ACTR10: variants seen among roughly 807,000 people sequenced by gnomAD.
ACTR10 encodes actin-related protein 10.
In ACTR10, 43 loss-of-function variants were observed where a neutral mutation model predicts 56.2. The observed-to-expected ratio is 0.77, with a 90% CI of 0.60 to 0.99. ACTR10 has a LOEUF of 0.99. Among genes scored for constraint, ACTR10 ranks in the 50% least tolerant of loss-of-function variants. ACTR10 has a pLI of 0.00. For missense variants in ACTR10, 466 were observed against 507.8 expected (o/e 0.92, Z 0.79); for synonymous variants, 170 against 176.3 (o/e 0.96, Z 0.28).
At chr14:58,211,939 C>CAAA (rs35891910) in intron 5 of ACTR10, among the ~76,000 whole-genome samples, 1 of 127,296 alleles carries the variant, frequency 7.9e-6, no homozygotes. Context: ...GACTCTGTCT[C>CAAA]AAAAAAAAAA....
chr14:58,233,238 C>T (rs1481017649), intron 12 of ACTR10, among the ~76,000 whole-genome samples: 1 of 152,016 alleles, frequency 6.6e-6, no homozygotes, highest in East Asian at 1.9e-4. Flanking sequence ...GAAAATTGGC[C>T]TCTTTAATTT....
intron 8 of ACTR10, among the ~76,000 whole-genome samples, chr14:58,220,178 A>G (rs947092974): frequency 6.6e-6 from 1 of 152,212 alleles, no homozygotes; most frequent in African/African-American, 2.4e-5. Context: ...GTGAATTTCT[A>G]TGATAAAGTT....
intron 4 of ACTR10, 162 bp downstream of exon 4, chr14:58,209,269 G>A (rs1888940149): frequency 4.5e-6 from 2 of 449,326 alleles, no homozygotes; most frequent in East Asian, 3.8e-5. Context: ...TATTGTGTAT[G>A]GCACACAGTG....
intron 10 of ACTR10, among the ~76,000 whole-genome samples, chr14:58,227,579 A>C (rs1889433618): frequency 6.6e-6 from 1 of 152,212 alleles, no homozygotes; most frequent in Non-Finnish European, 1.5e-5. Context: ...AAAGATTGGG[A>C]AAAAGAAGAG....
intron 3 of ACTR10, among the ~76,000 whole-genome samples, chr14:58,208,487 T>C (rs1888918815): frequency 6.6e-6 from 1 of 152,178 alleles, no homozygotes; most frequent in Non-Finnish European, 1.5e-5. Context: ...TATAAGGTTC[T>C]TGTACTTTGC....
intron 4 of ACTR10, 143 bp downstream of exon 4, chr14:58,209,250 T>G: frequency 1.8e-6 from 1 of 549,958 alleles, no homozygotes; most frequent in Non-Finnish European, 3.2e-6. Context: ...AAGCCCTTAT[T>G]TTGTCTCATA....
intron 8 of ACTR10, among the ~76,000 whole-genome samples, chr14:58,221,631 A>G (rs1187841850): frequency 6.6e-6 from 1 of 152,126 alleles, no homozygotes; most frequent in Non-Finnish European, 1.5e-5. Context: ...AATATGCAGC[A>G]TACACATATT....
At chr14:58,219,434 G>A (rs1566627257) in intron 7 of ACTR10, 1 of 304,990 alleles carries the variant, frequency 3.3e-6, no homozygotes, top group East Asian at 6.6e-5. Context: ...GCACATTACT[G>A]ACAACTATTT....
intron 10 of ACTR10, among the ~76,000 whole-genome samples, chr14:58,224,863 C>G (rs1018636869): frequency 1.3e-5 from 2 of 151,994 alleles, no homozygotes; most frequent in Non-Finnish European, 2.9e-5. Context: ...GTAGCACATG[C>G]CCGTAATCCC....
intron 7 of ACTR10, among the ~76,000 whole-genome samples, chr14:58,215,714 G>A (rs1489006590): frequency 2.6e-5 from 4 of 151,968 alleles, no homozygotes; most frequent in Non-Finnish European, 5.9e-5. Flanking sequence ...TCTGCATGCT[G>A]TTGATTCTGA....
intron 8 of ACTR10, among the ~76,000 whole-genome samples, chr14:58,222,766 A>G (rs1476705194): frequency 8.3e-3 from 16 of 1,930 alleles, no homozygotes; most frequent in African/African-American, 0.024. Flanking sequence ...CTCTGTCAGA[A>G]AAAAAAAAAA....
At chr14:58,225,842 A>G (rs1322126464) in intron 10 of ACTR10, among the ~76,000 whole-genome samples, 1 of 151,914 alleles carries the variant, frequency 6.6e-6, no homozygotes, top group African/African-American at 2.4e-5. Context: ...CCTCCCAAGT[A>G]GCTAGGATTA....
chr14:58,200,320 T>C (rs1888674689), intron 1 of ACTR10, 26 bp downstream of exon 1: 1 of 1,483,108 alleles, frequency 6.7e-7, no homozygotes. Context: ...GCCAGCTGTG[T>C]TCGACCCGAG....
chr14:58,228,345 C>T (rs889731618), intron 10 of ACTR10, among the ~76,000 whole-genome samples: 2 of 152,104 alleles, frequency 1.3e-5, no homozygotes, highest in Non-Finnish European at 2.9e-5. Context: ...AGGCCGGGTG[C>T]GGTGGCTCTT....
At position 58,201,251 on chromosome 14, in the gene ACTR10, A is replaced by G. The variant is rs542887641; in HGVS notation, c.77+957A>G. On this transcript the variant is annotated intron_variant, in intron 1 of 12. Coordinates refer to ENST00000254286, the MANE Select transcript of ACTR10 (RefSeq NM_018477.3). ...TTAAACATAGTCCTTGGTTAATGAC[A>G]TTCTCTTATTGTTCTATGCGAGGCC... 4.4e-4 allele frequency among the ~76,000 whole-genome samples: 67 copies of G among 152,342 alleles called. No individual in the cohort carries two copies. The South Asian group carries it at 0.014, about 32-fold the overall frequency.
intron 1 of ACTR10, 117 bp downstream of exon 1, chr14:58,200,411 C>A: frequency 2.8e-6 from 2 of 719,736 alleles, no homozygotes; most frequent in African/African-American, 1.8e-5. Flanking sequence ...CTCCCCTTTT[C>A]TTCAACCAGC....
chr14:58,202,945 T>C lies in ACTR10; in HGVS notation c.150+18T>C. ...TGCCTAAGGTATTTAAAAAAAAATA[T>C]TAGCAAAATAAATGCCATACTATAA... On this transcript the variant is annotated intron_variant, in intron 2 of 12. Transcript: ENST00000254286. The C allele has an allele frequency of 2.1e-6, 3 of 1,431,996 alleles. No homozygotes were observed. Among genetic ancestry groups the C allele is most frequent in the Non-Finnish European group, 2.9e-6 (3 of 1,026,038 alleles). 88.7% of individuals were successfully genotyped at this position (1,431,996 alleles called of 1,614,324 possible).
In ACTR10 at chr14:58,232,229, C is replaced by T. The variant is rs1240347616; in HGVS notation, c.1034C>T (p.Thr345Ile). Residue 345 changes from threonine to isoleucine, a missense_variant, in exon 12 of 13, where the codon ACT (threonine) becomes ATT (isoleucine). Transcript: ENST00000254286. ...ALGTKTFRIH[T>I]PPAKANCVAW... Reference sequence around the variant, plus strand: ...GGCACTAAGACATTTCGAATTCATACTCCACCTGCAAAAGCTAATTGTGTG... The same window carrying T: ...GGCACTAAGACATTTCGAATTCATATTCCACCTGCAAAAGCTAATTGTGTG... 9.9e-6 allele frequency: 16 copies of T among 1,613,514 alleles called. No individual in the cohort carries two copies. Among genetic ancestry groups the T allele is most frequent in the Non-Finnish European group, 1.4e-5 (16 of 1,179,836 alleles).
intron 7 of ACTR10, among the ~76,000 whole-genome samples, chr14:58,218,683 C>T (rs1302002184): frequency 6.6e-6 from 1 of 151,326 alleles, no homozygotes; most frequent in Non-Finnish European, 1.5e-5. Context: ...AATGTAGATC[C>T]AGGTGGAAGA....
Sources: allele counts gnomAD v4.1 joint callset (sites outside exome capture counted in the v4.1 genomes callset), GRCh38; gene constraint gnomAD v4.1.1; transcripts MANE v1.5; gene names NCBI Gene and HGNC (gene_info 2026-07-23, HGNC 2026-07-21).